TEX11: variants seen among roughly 807,000 people sequenced by gnomAD.
The protein encoded by TEX11 is testis expressed 11, also known as testis-expressed protein 11.
TEX11 carries 7 observed loss-of-function variants against 84.4 expected under a neutral mutation model. The ratio of observed to expected loss-of-function variants is 0.08; its 90% confidence interval spans 0.05 to 0.16. TEX11 has a LOEUF of 0.16. Ranked by LOEUF, TEX11 falls within the 10% of genes least tolerant of loss-of-function variation. TEX11 has a pLI of 1.00. For missense variants in TEX11, 551 were observed against 660.5 expected (o/e 0.83, Z 1.82); for synonymous variants, 264 against 222.8 (o/e 1.18, Z -1.64).
chrX:70,517,840 G>A, the TEX11 span, among the ~76,000 whole-genome samples: 1 of 111,214 alleles, frequency 9.0e-6, no homozygotes, highest in East Asian at 2.8e-4. Context: ...TCTTCCTGGT[G>A]TAGTCTTGGG....
chrX:70,598,212 A>G (rs1184509423), intron 24 of TEX11, among the ~76,000 whole-genome samples: 1 of 112,469 alleles, frequency 8.9e-6, no homozygotes, highest in African/African-American at 3.2e-5. Context: ...AAAGATTTCA[A>G]TAGATATTTT....
intron 2 of TEX11, among the ~76,000 whole-genome samples, chrX:70,886,862 G>A (rs966739470): frequency 1.8e-5 from 2 of 111,987 alleles, no homozygotes; most frequent in African/African-American, 6.5e-5. Context: ...GGCAAGAGCT[G>A]ACAATATCAT....
At chrX:70,673,357 G>A (rs1569394537) in intron 15 of TEX11, 2 of 110,937 alleles carry the variant, frequency 1.8e-5, no homozygotes, top group South Asian at 3.8e-4. Context: ...TCCTAGGCTC[G>A]AGCAATCCTC....
intron 9 of TEX11, among the ~76,000 whole-genome samples, chrX:70,759,144 A>G (rs2090890275): frequency 9.0e-6 from 1 of 111,694 alleles, no homozygotes; most frequent in Non-Finnish European, 1.9e-5. Flanking sequence ...CCAACCAAAA[A>G]AAGTCCAGGA....
intron 18 of TEX11, among the ~76,000 whole-genome samples, chrX:70,625,269 C>T (rs920038876): frequency 9.0e-6 from 1 of 110,690 alleles, no homozygotes; most frequent in Non-Finnish European, 1.9e-5. Flanking sequence ...ATTTCCAGCA[C>T]TCTATTCCCA....
At chrX:70,641,037 G>C (rs2089650325) in intron 17 of TEX11, among the ~76,000 whole-genome samples, 1 of 110,726 alleles carries the variant, frequency 9.0e-6, no homozygotes, top group Non-Finnish European at 1.9e-5. Flanking sequence ...CACTTGCAGA[G>C]ACACACATAG....
chrX:70,869,006 G>A (rs1201039647), intron 4 of TEX11, among the ~76,000 whole-genome samples: 2 of 96,732 alleles, frequency 2.1e-5, no homozygotes, highest in African/African-American at 4.5e-5. Context: ...ACAAGCCTGC[G>A]TGTTCTGCAC....
intron 13 of TEX11, among the ~76,000 whole-genome samples, chrX:70,716,013 A>G (rs1386438083): frequency 8.9e-6 from 1 of 112,186 alleles, no homozygotes. Context: ...TCTAACAGTC[A>G]GGACCCTCAG....
chrX:70,716,989 A>G (rs1367634467), intron 13 of TEX11, among the ~76,000 whole-genome samples: 1 of 112,279 alleles, frequency 8.9e-6, no homozygotes. Flanking sequence ...AATAGATATA[A>G]TCTAACAAAT....
At chrX:70,756,578 C>A (rs2090869379) in intron 9 of TEX11, among the ~76,000 whole-genome samples, 1 of 111,557 alleles carries the variant, frequency 9.0e-6, no homozygotes, top group Non-Finnish European at 1.9e-5. Context: ...CCAACATCAA[C>A]AAAAAGGACA....
At chrX:70,597,208 C>T (rs776150513) in intron 24 of TEX11, among the ~76,000 whole-genome samples, 1 of 111,900 alleles carries the variant, frequency 8.9e-6, no homozygotes, top group Admixed American at 9.5e-5. Flanking sequence ...TTAATATTCT[C>T]CCTAAACTGA....
intron 7 of TEX11, among the ~76,000 whole-genome samples, chrX:70,837,075 A>G (rs778594454): frequency 1.3e-4 from 14 of 110,833 alleles, no homozygotes; most frequent in African/African-American, 4.0e-4. Context: ...GCCACTCTAG[A>G]AAACAGTTGG....
intron 13 of TEX11, among the ~76,000 whole-genome samples, chrX:70,695,861 CAA>C (rs1013605342): frequency 1.8e-5 from 2 of 111,681 alleles, no homozygotes; most frequent in African/African-American, 3.3e-5. Context: ...TCATAGAAAA[CAA>C]AGAGTATGTT....
At chrX:70,779,429 A>G (rs1292035765) in intron 9 of TEX11, among the ~76,000 whole-genome samples, 2 of 108,899 alleles carry the variant, frequency 1.8e-5, no homozygotes, top group African/African-American at 6.7e-5. Flanking sequence ...AAAAAAAAAA[A>G]AAAGAAAGTT....
chrX:70,653,400 A>G (rs1181134919), intron 16 of TEX11, among the ~76,000 whole-genome samples: 2 of 112,511 alleles, frequency 1.8e-5, no homozygotes, highest in African/African-American at 3.2e-5. Context: ...ACACTTCACT[A>G]AATAAAATAT....
chrX:70,560,100 T>C (rs1332852590), intron 25 of TEX11, among the ~76,000 whole-genome samples: 1 of 111,213 alleles, frequency 9.0e-6, no homozygotes, highest in Non-Finnish European at 1.9e-5. Flanking sequence ...GAGCATCTTT[T>C]CCTTTGCTTG....
At chrX:70,782,645 C>A (rs200654072) in intron 9 of TEX11, among the ~76,000 whole-genome samples, 287 of 28,624 alleles carry the variant, frequency 0.01, no homozygotes, top group East Asian at 0.015. Context: ...AAATGGAAAG[C>A]AAAAAAAAAA....
intron 9 of TEX11, among the ~76,000 whole-genome samples, chrX:70,753,601 T>G (rs1221195837): frequency 1.8e-5 from 2 of 110,967 alleles, no homozygotes; most frequent in Non-Finnish European, 3.8e-5. Context: ...ACCCAGGTAC[T>G]ACATCAAGGG....
chrX:70,901,971 T>A (rs1220170839), intron 2 of TEX11, among the ~76,000 whole-genome samples: 1 of 113,017 alleles, frequency 8.8e-6, no homozygotes, highest in East Asian at 2.8e-4. Context: ...TAAAAATGAC[T>A]GGGTACGGTG....
Sources: allele counts gnomAD v4.1 joint callset (sites outside exome capture counted in the v4.1 genomes callset), GRCh38; gene constraint gnomAD v4.1.1; transcripts MANE v1.5; gene names NCBI Gene and HGNC (gene_info 2026-07-23, HGNC 2026-07-21).